CATSPERB: variants seen among roughly 807,000 people sequenced by gnomAD.
CATSPERB encodes the protein cation channel sperm-associated auxiliary subunit beta.
A neutral mutation model predicts 128.3 loss-of-function variants in CATSPERB; 93 were observed. The ratio of observed to expected loss-of-function variants is 0.72; its 90% CI spans 0.61 to 0.86. The LOEUF (loss-of-function observed/expected upper bound fraction) is 0.86. CATSPERB is among the 40% of genes least tolerant of loss of function. The pLI is 0.00. For missense variants in CATSPERB, 1,153 were observed against 1,329.5 expected (o/e 0.87, Z 2.06); for synonymous variants, 381 against 448.8 (o/e 0.85, Z 1.91).
intron 11 of CATSPERB, among the ~76,000 whole-genome samples, chr14:91,676,934 C>G (rs1217651438): frequency 2.0e-5 from 3 of 152,202 alleles, no homozygotes; most frequent in Admixed American, 6.5e-5. Flanking sequence ...CTACAACCAT[C>G]TCATCTTCGA....
intron 23 of CATSPERB, 92 bp from the exon 24 acceptor site, chr14:91,589,761 A>T: frequency 8.2e-7 from 1 of 1,225,904 alleles, no homozygotes; most frequent in Non-Finnish European, 1.1e-6. Context: ...TATTGCCAAT[A>T]GTTTGGCTGT....
intron 18 of CATSPERB, among the ~76,000 whole-genome samples, chr14:91,624,173 C>A (rs1894107242): frequency 6.6e-6 from 1 of 152,062 alleles, no homozygotes; most frequent in Non-Finnish European, 1.5e-5. Context: ...CAAGGTGAAA[C>A]CCCGTCTCCT....
Position 91,626,059 on chromosome 14 carries a change from A to G in CATSPERB, c.1743-1052T>C, listed in dbSNP as rs572223312. ...GGGATCACTTGAGCCTGTGAGGTGGAGGTTGCAGTGAGCTGAGATAGTGCC... is the reference window on the plus strand; with the variant it reads ...GGGATCACTTGAGCCTGTGAGGTGGGGGTTGCAGTGAGCTGAGATAGTGCC... On this transcript the variant is annotated intron_variant, in intron 17 of 26. Coordinates refer to ENST00000256343, the MANE Select transcript of CATSPERB (RefSeq NM_024764.4). Among the ~76,000 whole-genome samples, 3 of 152,278 alleles carry G rather than the reference A, an allele frequency of 2.0e-5. No individual in the cohort carries two copies. In the South Asian group the frequency reaches 6.2e-4, roughly 32 times the overall value.
chr14:91,647,751 T>C (rs1398267187), intron 15 of CATSPERB, among the ~76,000 whole-genome samples: 1 of 152,132 alleles, frequency 6.6e-6, no homozygotes, highest in Non-Finnish European at 1.5e-5. Flanking sequence ...TCCTACCAGG[T>C]ACCTCCCACA....
At chr14:91,595,973 AAAAAC>A (rs1261687032) in intron 22 of CATSPERB, among the ~76,000 whole-genome samples, 1 of 152,220 alleles carries the variant, frequency 6.6e-6, no homozygotes, top group Non-Finnish European at 1.5e-5. Context: ...CTTAACTCTG[AAAAAC>A]AAAACAAAGT....
At chr14:91,675,851 T>C (rs1895183829) in intron 11 of CATSPERB, among the ~76,000 whole-genome samples, 2 of 152,178 alleles carry the variant, frequency 1.3e-5, no homozygotes, top group African/African-American at 4.8e-5. Context: ...CCAAAGTACT[T>C]CTCAGAGCTG....
chr14:91,589,496 TATC>T, intron 24 of CATSPERB, 35 bp downstream of exon 24: 3 of 1,586,606 alleles, frequency 1.9e-6, no homozygotes, highest in Non-Finnish European at 2.6e-6. Flanking sequence ...CAATATTACT[TATC>T]AGATAAAATA....
At chr14:91,720,714 G>A (rs1005115870) in intron 4 of CATSPERB, among the ~76,000 whole-genome samples, 1 of 152,098 alleles carries the variant, frequency 6.6e-6, no homozygotes, top group Non-Finnish European at 1.5e-5. Flanking sequence ...TGGCTACTTT[G>A]TAGAAATTGG....
At chr14:91,668,408 G>A (rs183540658) in intron 14 of CATSPERB, among the ~76,000 whole-genome samples, 3 of 151,892 alleles carry the variant, frequency 2.0e-5, no homozygotes, top group Non-Finnish European at 4.4e-5. Flanking sequence ...GATTGTAAAC[G>A]CACCAATCAG....
At chr14:91,625,333 C>T (rs990579576) in intron 17 of CATSPERB, among the ~76,000 whole-genome samples, 4 of 152,050 alleles carry the variant, frequency 2.6e-5, no homozygotes, top group Non-Finnish European at 4.4e-5. Flanking sequence ...GCATTAGGAG[C>T]GTGCTAACCT....
intron 11 of CATSPERB, among the ~76,000 whole-genome samples, chr14:91,681,757 C>T (rs1359133021): frequency 1.3e-5 from 2 of 152,060 alleles, no homozygotes; most frequent in Non-Finnish European, 2.9e-5. Flanking sequence ...GGCAGCTAGT[C>T]AAAAATGGAT....
At chr14:91,706,297 T>G (rs367936426) in intron 6 of CATSPERB, among the ~76,000 whole-genome samples, 10 of 152,236 alleles carry the variant, frequency 6.6e-5, no homozygotes, top group African/African-American at 2.2e-4. Context: ...TTCAAAGAAA[T>G]GTGGGGCAAA....
At chr14:91,612,684 C>T (rs1233216910) in intron 20 of CATSPERB, among the ~76,000 whole-genome samples, 1 of 152,132 alleles carries the variant, frequency 6.6e-6, no homozygotes, top group South Asian at 2.1e-4. Context: ...ATAGTAGGTT[C>T]TGGTAGTGGT....
At chr14:91,668,155 T>A (rs1383976986) in intron 14 of CATSPERB, among the ~76,000 whole-genome samples, 1 of 152,114 alleles carries the variant, frequency 6.6e-6, no homozygotes, top group African/African-American at 2.4e-5. Flanking sequence ...GCATTTGGGG[T>A]GTCCTGTTTA....
intron 26 of CATSPERB, among the ~76,000 whole-genome samples, chr14:91,583,341 C>A (rs1413363225): frequency 5.3e-5 from 4 of 75,782 alleles, no homozygotes; most frequent in Non-Finnish European, 1.1e-4. Flanking sequence ...ATGGCATGTA[C>A]CCGGGAGGCG....
intron 3 of CATSPERB, among the ~76,000 whole-genome samples, chr14:91,723,842 A>AGATT (rs5810551): frequency 0.51 from 76,771 of 151,556 alleles, 20,138 homozygotes; most frequent in Admixed American, 0.59. Context: ...ATTCTAATGG[A>AGATT]GATTGGCAAG....
chr14:91,699,575 CTTT>C (rs112740456), intron 7 of CATSPERB, among the ~76,000 whole-genome samples: 3 of 140,298 alleles, frequency 2.1e-5, no homozygotes, highest in African/African-American at 2.6e-5. Flanking sequence ...GATGAATTAA[CTTT>C]TTTTTTTTTT....
chr14:91,667,958 G>A (rs1895016119), intron 14 of CATSPERB, among the ~76,000 whole-genome samples: 1 of 152,118 alleles, frequency 6.6e-6, no homozygotes, highest in South Asian at 2.1e-4. Flanking sequence ...TCAAACTATA[G>A]ATGGTCTTAC....
chr14:91,672,928 G>A lies in CATSPERB; in HGVS notation c.1067C>T (p.Thr356Ile), dbSNP rs1895124369. 1.2e-6 allele frequency: 2 copies of A among 1,603,176 alleles called. No individual in the cohort carries two copies. The highest frequency in any genetic ancestry group is 2.3e-5 in the South Asian group (2 of 87,986). The part of the protein sequence containing the change: ...HIFKGIKIFP[T>I]VLTFLVDQER... ...TTGGTCAACAAGAAATGTTAGCACA[G>A]TTGGAAAAATTTTTATTCCTTTAAA... Residue 356 changes from threonine to isoleucine, a missense_variant, in exon 13 of 27, where the codon ACT becomes ATT. By Grantham distance (89) the Thr-to-Ile change is moderately conservative. Transcript: ENST00000256343.
Sources: allele counts gnomAD v4.1 joint callset (sites outside exome capture counted in the v4.1 genomes callset), GRCh38; gene constraint gnomAD v4.1.1; transcripts MANE v1.5; gene names NCBI Gene and HGNC (gene_info 2026-07-23, HGNC 2026-07-21).